The following PRKCE variants were observed in gnomAD, a reference collection of about 807,000 sequenced individuals.
The protein encoded by PRKCE is protein kinase C epsilon type.
PRKCE carries 16 observed loss-of-function variants against 85.4 expected under a neutral mutation model. The ratio of observed to expected loss-of-function variants is 0.19; its 90% CI spans 0.13 to 0.28. PRKCE has a LOEUF of 0.28. PRKCE is among the 10% of genes least tolerant of loss of function. The pLI is 1.00. For missense variants in PRKCE, 573 were observed against 975.2 expected, an observed-to-expected ratio of 0.59 and a Z score of 5.49; for synonymous variants, 388 against 371.5, an observed-to-expected ratio of 1.04 and a Z score of -0.51.
intron 11 of PRKCE, among the ~76,000 whole-genome samples, chr2:46,117,149 G>A (rs1672855436): frequency 6.6e-6 from 1 of 152,196 alleles, no homozygotes; most frequent in African/African-American, 2.4e-5. Flanking sequence ...AGGGGTGGGA[G>A]TTTCTGTCCT....
At chr2:45,847,415 A>T (rs766832466) in intron 2 of PRKCE, among the ~76,000 whole-genome samples, 4 of 152,198 alleles carry the variant, frequency 2.6e-5, no homozygotes, top group Non-Finnish European at 4.4e-5. Context: ...ACCTTTCAGA[A>T]GGGATATTTT....
chr2:46,071,807 ATC>A (rs1430001450), intron 10 of PRKCE, among the ~76,000 whole-genome samples: 1 of 152,160 alleles, frequency 6.6e-6, no homozygotes, highest in Admixed American at 6.5e-5. Context: ...CCAGTCCTGA[ATC>A]TCTCCCTTAC....
intron 13 of PRKCE, among the ~76,000 whole-genome samples, chr2:46,156,008 A>T (rs1366203184): frequency 1.6e-4 from 24 of 151,362 alleles, no homozygotes; most frequent in Non-Finnish European, 2.1e-4. Flanking sequence ...AGTATATAAA[A>T]AAAAAAAAAA....
At chr2:46,107,325 G>T (rs1244860135) in intron 11 of PRKCE, among the ~76,000 whole-genome samples, 3 of 152,134 alleles carry the variant, frequency 2.0e-5, no homozygotes, top group Non-Finnish European at 4.4e-5. Flanking sequence ...TTTGTTGCTT[G>T]ACAGCTCATT....
At chr2:45,765,567 C>G (rs986839122) in intron 1 of PRKCE, among the ~76,000 whole-genome samples, 10 of 152,364 alleles carry the variant, frequency 6.6e-5, no homozygotes, top group African/African-American at 2.2e-4. Context: ...CTCATCTTTG[C>G]CTCTGCAGTG....
chr2:46,143,951 C>A (rs926148460), intron 11 of PRKCE, among the ~76,000 whole-genome samples: 1 of 152,146 alleles, frequency 6.6e-6, no homozygotes, highest in Non-Finnish European at 1.5e-5. Context: ...GCCAGCAGAC[C>A]CCTCCTGCTT....
chr2:45,861,240 G>C (rs1188602312), intron 2 of PRKCE, among the ~76,000 whole-genome samples: 1 of 152,104 alleles, frequency 6.6e-6, no homozygotes, highest in Admixed American at 6.5e-5. Context: ...AGACTAATTT[G>C]GTTCTAACCT....
At chr2:46,154,882 C>T (rs953668404) in intron 13 of PRKCE, among the ~76,000 whole-genome samples, 1 of 152,258 alleles carries the variant, frequency 6.6e-6, no homozygotes, top group African/African-American at 2.4e-5. Flanking sequence ...TTCCACAAGA[C>T]TGAGCTTCGT....
intron 11 of PRKCE, among the ~76,000 whole-genome samples, chr2:46,129,675 C>A (rs1268444423): frequency 6.6e-6 from 1 of 152,204 alleles, no homozygotes; most frequent in Non-Finnish European, 1.5e-5. Flanking sequence ...ATCGGGCACT[C>A]CAGGCAGCCT....
At chr2:45,896,549 G>A (rs898904158) in intron 2 of PRKCE, among the ~76,000 whole-genome samples, 7 of 151,944 alleles carry the variant, frequency 4.6e-5, no homozygotes, top group Non-Finnish European at 8.8e-5. Context: ...TTACATATTC[G>A]AATCAAGAAA....
At chr2:45,939,343 A>C (rs1188276715) in intron 2 of PRKCE, among the ~76,000 whole-genome samples, 1 of 152,146 alleles carries the variant, frequency 6.6e-6, no homozygotes, top group East Asian at 1.9e-4. Context: ...TCACCACTTC[A>C]TTCCCTGATG....
At chr2:45,960,781 A>T (rs1005420844) in intron 2 of PRKCE, among the ~76,000 whole-genome samples, 1 of 152,206 alleles carries the variant, frequency 6.6e-6, no homozygotes, top group Non-Finnish European at 1.5e-5. Context: ...CCAAGCACCC[A>T]TCAGCCTTTG....
At chr2:46,162,178 A>G (rs2345960) in intron 14 of PRKCE, among the ~76,000 whole-genome samples, 92,641 of 152,008 alleles carry the variant, frequency 0.61, 29,633 homozygotes, top group East Asian at 0.87. Flanking sequence ...GAGGAAATAT[A>G]TCCCTGGGTC....
intron 2 of PRKCE, among the ~76,000 whole-genome samples, chr2:45,938,709 C>T (rs1205428819): frequency 2.7e-5 from 4 of 147,810 alleles, no homozygotes; most frequent in Non-Finnish European, 6.0e-5. Context: ...CCTTATTCAG[C>T]AACTCTTAGA....
chr2:46,000,127 A>G (rs1423950952), intron 6 of PRKCE, among the ~76,000 whole-genome samples: 1 of 151,308 alleles, frequency 6.6e-6, no homozygotes, highest in Admixed American at 6.6e-5. Flanking sequence ...TGTCACTTCA[A>G]ACTGGTTTTT....
At chr2:45,829,152 C>T (rs150745223) in intron 1 of PRKCE, among the ~76,000 whole-genome samples, 9 of 151,982 alleles carry the variant, frequency 5.9e-5, no homozygotes, top group African/African-American at 2.2e-4. Context: ...AATGATTATT[C>T]TTATAGTTAA....
intron 6 of PRKCE, among the ~76,000 whole-genome samples, chr2:45,998,552 G>A (rs560716248): frequency 2.6e-4 from 39 of 151,956 alleles, no homozygotes; most frequent in African/African-American, 9.2e-4. Context: ...CTTTAAGGTG[G>A]GTTTCTTGTG....
At position 46,139,020 on chromosome 2, in the gene PRKCE, T is replaced by C. The variant is rs981199726; in HGVS notation, c.1593-6073T>C. On this transcript the variant is annotated intron_variant, in intron 11 of 14. Transcript: ENST00000306156. The surrounding 1 kb of genome is among the most constrained non-coding windows in gnomAD (Gnocchi z 5.2). The stretch of plus-strand genomic sequence containing the variant: ...AAGTTCTCGTAAGTCTTCAGTCGAG[T>C]GGAGAGTAAAGTAGCCATCTATCCA... Among the ~76,000 whole-genome samples, 3 of 151,760 alleles carry C rather than the reference T, an allele frequency of 2.0e-5. No individual in the cohort carries two copies. Among genetic ancestry groups the C allele is most frequent in the Admixed American group, 2.0e-4 (3 of 15,216 alleles).
chr2:45,782,975 A>G (rs1410674861), intron 1 of PRKCE, among the ~76,000 whole-genome samples: 1 of 152,096 alleles, frequency 6.6e-6, no homozygotes, highest in Non-Finnish European at 1.5e-5. Context: ...TTATTTCATT[A>G]CTTTTTTGTC....
Sources: allele counts gnomAD v4.1 joint callset (sites outside exome capture counted in the v4.1 genomes callset), GRCh38; gene constraint gnomAD v4.1.1; non-coding constraint Gnocchi (gnomAD v3.1); transcripts MANE v1.5; gene names NCBI Gene and HGNC (gene_info 2026-07-23, HGNC 2026-07-21).